Variants in PDLIM2 observed in about 807,000 individuals in gnomAD.
PDLIM2 encodes the protein PDZ and LIM domain 2, also known as PDZ and LIM domain protein 2.
A neutral mutation model predicts 54.1 loss-of-function variants in PDLIM2; 51 were observed. The observed-to-expected ratio is 0.94, with a 90% confidence interval of 0.75 to 1.19. PDLIM2 has a LOEUF of 1.19. PDLIM2 is among the 50% of genes most tolerant of loss of function. PDLIM2 has a pLI of 0.00. For synonymous variants in PDLIM2, 398 were observed against 385.6 expected (o/e 1.03, Z -0.38); for missense variants, 912 against 874.0 (o/e 1.04, Z -0.55).
intron 6 of PDLIM2, 90 bp from the exon 6 acceptor site, chr8:22,589,186 AGGGCCGGGGGCCCCCTGGTGTC>A: frequency 9.0e-7 from 1 of 1,113,206 alleles, no homozygotes; most frequent in East Asian, 2.6e-5. Flanking sequence ...CTGGTCGGCG[AGGGCCGGGGGCCCCCTGGTGTC>A]GGGCCTGGGA....
intron 1 of PDLIM2, chr8:22,579,825 C>A (rs1181885603): frequency 3.0e-6 from 1 of 333,570 alleles, no homozygotes; most frequent in East Asian, 4.7e-5. Flanking sequence ...ACTTCCTTGC[C>A]CAGCGGAGGG....
intron 3 of PDLIM2, among the ~76,000 whole-genome samples, chr8:22,583,505 C>T (rs1233991253): frequency 2.0e-5 from 3 of 152,194 alleles, no homozygotes; most frequent in South Asian, 4.1e-4. Flanking sequence ...GTGGCTCACA[C>T]CTGTAATTTC....
chr8:22,582,915 C>CT (rs938369686), intron 3 of PDLIM2, among the ~76,000 whole-genome samples: 1 of 110,754 alleles, frequency 9.0e-6, no homozygotes, highest in Non-Finnish European at 1.9e-5. Context: ...GCCCACCCCC[C>CT]CCCCCGCCCC....
At position 22,580,434 on chromosome 8, in the gene PDLIM2, T is replaced by C. The variant is rs1800154513; in HGVS notation, c.749-169T>C. The C allele has an allele frequency of 4.2e-6, 6 of 1,438,076 alleles. No homozygotes were observed. In the South Asian group the frequency reaches 7.1e-5, roughly 17 times the overall value. 89.1% of individuals were successfully genotyped at this position (1,438,076 alleles called of 1,614,324 possible). A position where few individuals can be genotyped will look rare whatever the true frequency, so the allele number is the denominator to read the frequency against. On this transcript the variant is annotated intron_variant, in intron 1 of 9. Transcript: ENST00000308354. ...AGGGTGGGGGGAAGTGAAACCGGGC[T>C]GAGGGAGGGAGTTAGCCACTTCCTC... is the stretch of plus-strand genomic sequence containing the variant.
exon 2 of PDLIM2, chr8:22,580,653 A>G: frequency 6.8e-6 from 11 of 1,614,014 alleles, no homozygotes; most frequent in Non-Finnish European, 9.3e-6. Context: ...GGGCTTCCGT[A>G]TCACAGGGGG....
chr8:22,594,026 A>ACAAAGG, exon 10 of PDLIM2: 1 of 1,462,874 alleles, frequency 6.8e-7, no homozygotes, highest in Non-Finnish European at 9.0e-7. Flanking sequence ...TGGAGACCTG[A>ACAAAGG]GGCCCCTTTG....
At chr8:22,591,255 CT>C in intron 8 of PDLIM2, 1 of 450,384 alleles carries the variant, frequency 2.2e-6, no homozygotes, top group Non-Finnish European at 4.0e-6. Context: ...TCTAATCACA[CT>C]GTTATTACCA....
At chr8:22,589,819 C>G in intron 8 of PDLIM2, 78 bp downstream of exon 7, 1 of 1,529,830 alleles carries the variant, frequency 6.5e-7, no homozygotes, top group Non-Finnish European at 8.8e-7. Context: ...GTCAGTGAAC[C>G]AGTGTTCTTA....
exon 10 of PDLIM2, chr8:22,594,100 G>T (rs1220033285): frequency 1.4e-6 from 2 of 1,428,418 alleles, no homozygotes; most frequent in African/African-American, 1.4e-5. Flanking sequence ...CCCTCACCTT[G>T]CCAGGCCTCT....
At chr8:22,581,162 G>A in intron 2 of PDLIM2, 1 of 659,404 alleles carries the variant, frequency 1.5e-6, no homozygotes, top group Non-Finnish European at 2.8e-6. Context: ...CATTCTTTGG[G>A]AGGCCCATTA....
intron 8 of PDLIM2, 71 bp from the exon 8 acceptor site, chr8:22,591,480 C>T: frequency 1.4e-6 from 2 of 1,398,260 alleles, no homozygotes. Flanking sequence ...AAGACCACCT[C>T]CTCAGAGCAT....
chr8:22,593,871 G>A (rs377449708), exon 10 of PDLIM2: 64 of 1,553,444 alleles, frequency 4.1e-5, no homozygotes, highest in Admixed American at 5.9e-5. Flanking sequence ...ATGCCCGCCA[G>A]CGCTACTCCG....
chr8:22,584,529 T>C (rs1483153463), intron 3 of PDLIM2, among the ~76,000 whole-genome samples: 1 of 152,218 alleles, frequency 6.6e-6, no homozygotes, highest in African/African-American at 2.4e-5. Flanking sequence ...CAGGCTGGTC[T>C]TGAACTCTTG....
chr8:22,593,462 AGCT>A, intron 9 of PDLIM2: 3 of 413,878 alleles, frequency 7.2e-6, no homozygotes, highest in Admixed American at 8.2e-5. Context: ...TTGTAATCCC[AGCT>A]ACTCAGGAGG....
At chr8:22,584,609 C>T (rs893725177) in intron 3 of PDLIM2, among the ~76,000 whole-genome samples, 1 of 152,214 alleles carries the variant, frequency 6.6e-6, no homozygotes, top group Non-Finnish European at 1.5e-5. Flanking sequence ...ATGTGCCTGG[C>T]CAACTGTCCT....
At chr8:22,585,626 A>G in intron 6 of PDLIM2, 1 of 54,538 alleles carries the variant, frequency 1.8e-5, no homozygotes, top group South Asian at 2.9e-4. Flanking sequence ...TAGCCCGTCC[A>G]TCTCCTGCAC....
At position 22,593,512 on chromosome 8, in the gene PDLIM2, G is replaced by C. The variant is rs1344083157; in HGVS notation, c.1632-221G>C. On this transcript the variant is annotated intron_variant, in intron 9 of 9. Transcript: ENST00000308354. ...GTATCGCTTGAACCCGGAAGGTAGA[G>C]ATTGCTGTGAGCTGAGATCACACCA... 9.5e-6 allele frequency: 5 copies of C among 524,620 alleles called. No individual in the cohort carries two copies. The Admixed American group carries it at 1.4e-4, about 15-fold the overall frequency. The allele number at this position is 524,620 out of a possible 1,614,324, so 32.5% of individuals were successfully genotyped here.
exon 2 of PDLIM2, chr8:22,580,616 G>A (rs768651005): frequency 1.1e-5 from 18 of 1,613,952 alleles, no homozygotes; most frequent in Admixed American, 6.7e-5. Flanking sequence ...TGGCGTTGAC[G>A]GTGGATGTGG....
chr8:22,592,317 G>A (rs1445390833), intron 9 of PDLIM2: 6 of 151,946 alleles, frequency 3.9e-5, no homozygotes, highest in Admixed American at 3.9e-4. Context: ...CTTGACCTTA[G>A]GTGATCCGCC....
Sources: gnomAD v4.1 joint callset for allele counts (sites outside exome capture counted in the v4.1 genomes callset) on GRCh38, gnomAD v4.1.1 for gene constraint, MANE v1.5 for transcripts, NCBI Gene and HGNC (gene_info 2026-07-23, HGNC 2026-07-21) for gene names.